The following UNC79 variants were observed in gnomAD, a reference collection of about 807,000 sequenced individuals.
The protein encoded by UNC79 is unc-79 subunit of NALCN channel complex.
Under a neutral mutation model 283.1 loss-of-function variants are expected in UNC79, and 37 were observed. The observed-to-expected ratio is 0.13, with a 90% CI of 0.10 to 0.17. The LOEUF (loss-of-function observed/expected upper bound fraction) is 0.17, where lower values mean the gene tolerates loss of function less well. UNC79 is among the 10% of genes least tolerant of loss of function. UNC79 has a pLI of 1.00. For synonymous variants in UNC79, 1,107 were observed against 1,200.2 expected (o/e 0.92, Z 1.61); for missense variants, 2,272 against 3,211.1 (o/e 0.71, Z 7.07).
At chr14:93,405,509 C>T (rs2055208614) in intron 1 of UNC79, among the ~76,000 whole-genome samples, 1 of 152,102 alleles carries the variant, frequency 6.6e-6, no homozygotes, top group Admixed American at 6.6e-5. Flanking sequence ...AAGTAACCCT[C>T]TTTTCCAACA....
At chr14:93,432,513 T>TAA (rs1217868830) in intron 1 of UNC79, among the ~76,000 whole-genome samples, 2 of 152,230 alleles carry the variant, frequency 1.3e-5, no homozygotes, top group African/African-American at 4.8e-5. Flanking sequence ...ATGTACTCAA[T>TAA]AAATGATGGC....
At chr14:93,476,866 C>G (rs2057830041) in intron 3 of UNC79, among the ~76,000 whole-genome samples, 1 of 152,088 alleles carries the variant, frequency 6.6e-6, no homozygotes. Flanking sequence ...TTAGTAATAA[C>G]AGCTAATATT....
intron 7 of UNC79, among the ~76,000 whole-genome samples, chr14:93,500,835 T>C (rs2059246831): frequency 6.6e-6 from 1 of 152,226 alleles, no homozygotes; most frequent in Non-Finnish European, 1.5e-5. Flanking sequence ...GGTAAAGCAT[T>C]AGAAATTGTC....
At chr14:93,579,901 T>A (rs1050461177) in intron 18 of UNC79, among the ~76,000 whole-genome samples, 7 of 152,234 alleles carry the variant, frequency 4.6e-5, no homozygotes, top group Non-Finnish European at 1.0e-4. Flanking sequence ...ATCTCCTACA[T>A]GATTTTTAAA....
At chr14:93,436,725 T>C (rs1376105841) in intron 1 of UNC79, among the ~76,000 whole-genome samples, 1 of 152,198 alleles carries the variant, frequency 6.6e-6, no homozygotes, top group Non-Finnish European at 1.5e-5. Context: ...AAATGAAATA[T>C]TTCCTGTATC....
rs540044551 is a variant in UNC79, at chr14:93,408,249, G to A, written c.-350-59422G>A. Among the ~76,000 whole-genome samples, 11 of 152,308 alleles carry A rather than the reference G, an allele frequency of 7.2e-5. No homozygotes were observed. The South Asian group carries it at 1.0e-3, about 14-fold the overall frequency. ...AAAGAAGAACACACGAGTAATATAAGTAGAGAGATGGAAGCTCTAAAAGAA... is the reference window on the plus strand; with the variant it reads ...AAAGAAGAACACACGAGTAATATAAATAGAGAGATGGAAGCTCTAAAAGAA... On this transcript the variant is annotated intron_variant, in intron 1 of 49. Coordinates refer to the UNC79 transcript ENST00000256339.
At chr14:93,393,199 C>T (rs145494509) in intron 1 of UNC79, among the ~76,000 whole-genome samples, 1 of 152,316 alleles carries the variant, frequency 6.6e-6, no homozygotes, top group African/African-American at 2.4e-5. Flanking sequence ...AACAGCAATA[C>T]TCTATTCTCT....
In UNC79 at chr14:93,474,377, A is replaced by G. The variant is rs546147086; in HGVS notation, c.432A>G (p.Leu144=). 3 of 1,535,326 alleles carry G rather than the reference A, an allele frequency of 2.0e-6. No individual in the cohort carries two copies. Among genetic ancestry groups the G allele is most frequent in the African/African-American group, 2.7e-5 (2 of 72,996 alleles). ...CCCTCCTGGATCTAGTTCCTTTACT[A>G]CAGCACGGCCAACACGGTGAGCACT... The change falls in exon 3 of 49, where the codon CTA becomes CTG. Residue 144 remains leucine (L), a synonymous_variant. Coordinates refer to ENST00000555664, the Ensembl canonical transcript of UNC79. The surrounding 1 kb of genome is among the most constrained non-coding windows in gnomAD (Gnocchi z 4.1).
intron 30 of UNC79, among the ~76,000 whole-genome samples, chr14:93,623,115 A>G (rs2067263743): frequency 6.6e-6 from 1 of 152,222 alleles, no homozygotes; most frequent in Non-Finnish European, 1.5e-5. Flanking sequence ...TGCATTGGTT[A>G]ATTCGTATCA....
exon 30 of UNC79, chr14:93,622,357 G>A (rs1411787087): frequency 6.2e-7 from 1 of 1,614,020 alleles, no homozygotes; most frequent in African/African-American, 1.3e-5. Context: ...AGTCAGCAGG[G>A]AACACTGACT....
At chr14:93,339,592 C>T (rs571648151) in intron 1 of UNC79, among the ~76,000 whole-genome samples, 1 of 152,332 alleles carries the variant, frequency 6.6e-6, no homozygotes, top group Admixed American at 6.5e-5. Context: ...AGCCACTGCG[C>T]CCGGCCTAGA....
At chr14:93,646,638 A>G in exon 35 of UNC79, 1 of 1,613,892 alleles carries the variant, frequency 6.2e-7, no homozygotes, top group Non-Finnish European at 8.5e-7. Flanking sequence ...TTTCTAATCA[A>G]GCAGAAAGGT....
intron 7 of UNC79, among the ~76,000 whole-genome samples, chr14:93,515,026 T>C (rs1379355063): frequency 6.6e-6 from 1 of 152,160 alleles, no homozygotes; most frequent in Non-Finnish European, 1.5e-5. Context: ...GTACATCCTT[T>C]TATGCATATT....
chr14:93,376,573 A>T (rs1328678387), intron 1 of UNC79, among the ~76,000 whole-genome samples: 1 of 152,136 alleles, frequency 6.6e-6, no homozygotes, highest in African/African-American at 2.4e-5. Context: ...AGTTTATTTG[A>T]GCAAAGAACA....
chr14:93,640,277 G>A (rs142768207), intron 32 of UNC79, among the ~76,000 whole-genome samples: 1 of 152,176 alleles, frequency 6.6e-6, no homozygotes, highest in Admixed American at 6.5e-5. Flanking sequence ...GACGTGGAAT[G>A]AGTCACTGGA....
intron 7 of UNC79, among the ~76,000 whole-genome samples, chr14:93,505,933 C>T: frequency 6.6e-6 from 1 of 151,792 alleles, no homozygotes; most frequent in East Asian, 1.9e-4. Flanking sequence ...ACTCCATTTA[C>T]TCCCTCCTGA....
chr14:93,493,753 A>G (rs776445791), intron 5 of UNC79, among the ~76,000 whole-genome samples: 3 of 151,526 alleles, frequency 2.0e-5, no homozygotes, highest in Non-Finnish European at 4.4e-5. Context: ...GCTGTACAGG[A>G]AGCATAGTGG....
At position 93,636,466 on chromosome 14, in the gene UNC79, T is replaced by C. The variant is rs559091306; in HGVS notation, c.5717-750T>C. Among the ~76,000 whole-genome samples the C allele has an allele frequency of 2.5e-4, 38 of 152,168 alleles. 1 individual carries two copies. The highest frequency in any genetic ancestry group is 8.3e-4 in the South Asian group (4 of 4,826). On this transcript the variant is annotated intron_variant, in intron 31 of 48. Transcript: ENST00000555664. ...CTGTGTAGTACAATGTTAGGTGGCA[T>C]GTCACTTTAAACTACACATGTAGCT... is the stretch of plus-strand genomic sequence containing the variant.
intron 1 of UNC79, among the ~76,000 whole-genome samples, chr14:93,453,497 T>G (rs2056709727): frequency 6.6e-6 from 1 of 152,236 alleles, no homozygotes; most frequent in South Asian, 2.1e-4. Context: ...AATCCATATA[T>G]CTGAATTTAT....
Sources: allele counts gnomAD v4.1 joint callset (sites outside exome capture counted in the v4.1 genomes callset), GRCh38; gene constraint gnomAD v4.1.1; non-coding constraint Gnocchi (gnomAD v3.1); transcripts MANE v1.5; gene names NCBI Gene and HGNC (gene_info 2026-07-23, HGNC 2026-07-21).